The following TRAF3IP2 variants were observed in gnomAD, a reference collection of about 807,000 sequenced individuals.
The protein encoded by TRAF3IP2 is TRAF3 interacting protein 2.
Under a neutral mutation model 57.9 loss-of-function variants are expected in TRAF3IP2, and 35 were observed. That is an observed-to-expected ratio of 0.60 (90% CI 0.46 to 0.80). The LOEUF (loss-of-function observed/expected upper bound fraction) is 0.80. TRAF3IP2 is among the 30% of genes least tolerant of loss of function. TRAF3IP2 has a pLI of 0.00. For missense variants in TRAF3IP2, 556 were observed against 706.4 expected (o/e 0.79, Z 2.41); for synonymous variants, 251 against 268.9 (o/e 0.93, Z 0.65).
chr6:111,566,762 G>C (rs1227433522), intron 6 of TRAF3IP2, among the ~76,000 whole-genome samples: 3 of 152,276 alleles, frequency 2.0e-5, no homozygotes, highest in Admixed American at 6.5e-5. Context: ...AAATGGCTCA[G>C]AGAGGGGCTC....
At position 111,556,038 on chromosome 6, in the gene TRAF3IP2, G is replaced by C. The variant is rs995491572; in HGVS notation, c.*3367C>G. Among the ~76,000 whole-genome samples the C allele has an allele frequency of 2.0e-5, 3 of 151,980 alleles. No homozygotes were observed. Among genetic ancestry groups the C allele is most frequent in the African/African-American group, 4.8e-5 (2 of 41,346 alleles). On this transcript the variant is annotated 3_prime_UTR_variant, in exon 9 of 9. Coordinates refer to ENST00000368761, the MANE Select transcript of TRAF3IP2 (RefSeq NM_147686.4). ...GAATCGCTTGAACCCGGGAGGTGGA[G>C]GTTGCAGTGAGCTGTGATTGCACCA... is the stretch of plus-strand genomic sequence containing the variant.
chr6:111,572,756 T>C (rs1264000370), intron 5 of TRAF3IP2, 139 bp downstream of exon 5: 4 of 702,212 alleles, frequency 5.7e-6, no homozygotes, highest in Non-Finnish European at 9.6e-6. Context: ...CCTAAATCTA[T>C]AAGCATTCAA....
In TRAF3IP2 at chr6:111,594,641, G is replaced by A. The variant is rs544741470; in HGVS notation, c.-8-2547C>T. 186 of 351,176 alleles carry A rather than the reference G, an allele frequency of 5.3e-4. 3 individuals carry two copies. The highest frequency in any genetic ancestry group is 3.7e-3 in the South Asian group (170 of 46,094). 21.8% of individuals were successfully genotyped at this position (351,176 alleles called of 1,614,324 possible). A position where few individuals can be genotyped will look rare whatever the true frequency, so the allele number is the denominator to read the frequency against. On this transcript the variant is annotated intron_variant, in intron 1 of 8. Coordinates refer to ENST00000368761, the MANE Select transcript of TRAF3IP2 (RefSeq NM_147686.4). ...AGTTAAAACTGCTCTGGGGCTGGGC[G>A]TGGTGGCTCACACCTGTAACCCCAG...
intron 1 of TRAF3IP2, among the ~76,000 whole-genome samples, chr6:111,595,966 G>A (rs574836525): frequency 2.2e-4 from 34 of 152,126 alleles, no homozygotes; most frequent in African/African-American, 6.5e-4. Flanking sequence ...GAAAACCCAC[G>A]ACCGGCGTCC....
chr6:111,582,943 TCA>T (rs1796211857), intron 2 of TRAF3IP2, among the ~76,000 whole-genome samples: 2 of 152,214 alleles, frequency 1.3e-5, no homozygotes, highest in South Asian at 4.1e-4. Context: ...CCCTAGATTT[TCA>T]CAGACTGACT....
intron 2 of TRAF3IP2, among the ~76,000 whole-genome samples, chr6:111,590,915 C>G (rs1796490486): frequency 6.6e-6 from 1 of 152,098 alleles, no homozygotes; most frequent in African/African-American, 2.4e-5. Context: ...AACCCATATG[C>G]CCAAAGATTA....
intron 2 of TRAF3IP2, among the ~76,000 whole-genome samples, chr6:111,586,267 A>G (rs1358782273): frequency 6.6e-6 from 1 of 151,588 alleles, no homozygotes; most frequent in Admixed American, 6.6e-5. Flanking sequence ...GTACAATTGT[A>G]CACATGTACC....
intron 1 of TRAF3IP2, among the ~76,000 whole-genome samples, chr6:111,598,785 G>A (rs1334586736): frequency 2.6e-5 from 4 of 152,174 alleles, no homozygotes; most frequent in African/African-American, 4.8e-5. Context: ...AAAAGGAAAG[G>A]CTCCACTAGT....
chr6:111,598,570 G>T (rs1041384837), intron 1 of TRAF3IP2, among the ~76,000 whole-genome samples: 8 of 152,190 alleles, frequency 5.3e-5, no homozygotes, highest in African/African-American at 1.7e-4. Context: ...AAAAATTCAA[G>T]AGTAGCACAG....
Position 111,591,952 on chromosome 6 carries a change from G to C in TRAF3IP2, c.135C>G (p.Asn45Lys), listed in dbSNP as rs375324881. The change falls in exon 2 of 9, where the codon AAC becomes AAG. Residue 45 changes from asparagine (N) to lysine (K), a missense_variant. This residue lies in a region of TRAF3IP2 where 428 missense variants were observed against 498.7 expected (regional missense o/e 0.86). Transcript: ENST00000368761. The surrounding 1 kb of genome is among the most constrained non-coding windows in gnomAD (Gnocchi z 4.9). ...GAAGCATTGTGGGTGCAGACAAGCT[G>C]TTGGGTGCCATGTTCCTTATATTTG... ...PAPNIRNMAPNSLSAPTMLHN... is the reference protein window; with the variant it reads ...PAPNIRNMAPKSLSAPTMLHN... 6.2e-7 allele frequency: 1 copy of C among 1,614,110 alleles called. No individual in the cohort carries two copies. The highest frequency in any genetic ancestry group is 8.5e-7 in the Non-Finnish European group (1 of 1,180,050).
At position 111,575,666 on chromosome 6, in the gene TRAF3IP2, G is replaced by T; in HGVS notation, c.1178C>A (p.Thr393Lys). 1.2e-6 allele frequency: 2 copies of T among 1,611,850 alleles called. No homozygotes were observed. The highest frequency in any genetic ancestry group is 8.5e-7 in the Non-Finnish European group (1 of 1,179,232). ...SNPPARGTLK[T>K]SNLPEELRKV... is the part of the protein sequence containing the mutation. ...ACGCAATTCTTCTGGCAAATTGCTT[G>T]TTTTTAGAGTTCCTCTGGCTGGAGG... The change falls in exon 4 of 9, where the codon ACA (threonine) becomes AAA (lysine). Residue 393 changes from threonine to lysine, a missense_variant. Thr to Lys is a moderately conservative substitution (Grantham distance 78). Around this residue, in one of 2 missense-constraint regions of TRAF3IP2, gnomAD observed 428 missense variants for 498.7 expected, o/e 0.86. Coordinates refer to ENST00000368761, the MANE Select transcript of TRAF3IP2 (RefSeq NM_147686.4).
chr6:111,585,821 T>C (rs191440496), intron 2 of TRAF3IP2, among the ~76,000 whole-genome samples: 1 of 152,162 alleles, frequency 6.6e-6, no homozygotes, highest in Non-Finnish European at 1.5e-5. Flanking sequence ...AATGAAAATC[T>C]TGCACAATCA....
chr6:111,592,437 G>A (rs1188839520), intron 1 of TRAF3IP2, among the ~76,000 whole-genome samples: 1 of 152,170 alleles, frequency 6.6e-6, no homozygotes, highest in South Asian at 2.1e-4. Context: ...TGTGTGCTTG[G>A]AATACATGAA....
At chr6:111,589,357 C>T (rs1191501992) in intron 2 of TRAF3IP2, among the ~76,000 whole-genome samples, 3 of 152,268 alleles carry the variant, frequency 2.0e-5, no homozygotes, top group South Asian at 2.1e-4. Flanking sequence ...GGTGAGCCAC[C>T]GTGCCTGGTG....
chr6:111,562,705 C>T (rs1404607479), intron 8 of TRAF3IP2, among the ~76,000 whole-genome samples: 1 of 151,912 alleles, frequency 6.6e-6, no homozygotes, highest in Non-Finnish European at 1.5e-5. Context: ...ATTAGCCAGG[C>T]TTGGTGGCAG....
At chr6:111,597,233 A>G (rs1299812282) in intron 1 of TRAF3IP2, among the ~76,000 whole-genome samples, 1 of 152,110 alleles carries the variant, frequency 6.6e-6, no homozygotes. Context: ...GGTCTGGGCC[A>G]TGCCCAAAGG....
chr6:111,587,305 G>T (rs1233062302), intron 2 of TRAF3IP2, among the ~76,000 whole-genome samples: 6 of 151,852 alleles, frequency 4.0e-5, no homozygotes, highest in African/African-American at 1.5e-4. Flanking sequence ...GACCAGGCTG[G>T]AGTGCAGTGG....
chr6:111,602,646 T>A (rs1274238907), intron 1 of TRAF3IP2, among the ~76,000 whole-genome samples: 3 of 151,596 alleles, frequency 2.0e-5, no homozygotes, highest in Non-Finnish European at 4.4e-5. Context: ...TGAATATAGG[T>A]GAAAGGTAAG....
rs1795225051 is a variant in TRAF3IP2 at position 111,555,942 on chromosome 6, A to AT, written c.*3462_*3463insA. 6.6e-6 allele frequency among the ~76,000 whole-genome samples: 1 copy of AT among 151,962 alleles called. No homozygotes were observed. Among genetic ancestry groups the AT allele is most frequent in the Admixed American group, 6.6e-5 (1 of 15,256 alleles). On this transcript the variant is annotated 3_prime_UTR_variant, in exon 9 of 9. Transcript: ENST00000368761. ...CACGGTGAAACCCCGTCTCTACTAA[A>AT]AATACAAAAAATTAGCCGGGCATGG...
Sources: allele counts gnomAD v4.1 joint callset (sites outside exome capture counted in the v4.1 genomes callset), GRCh38; gene constraint gnomAD v4.1.1; regional missense constraint gnomAD v4.1.1; non-coding constraint Gnocchi (gnomAD v3.1); transcripts MANE v1.5; gene names NCBI Gene and HGNC (gene_info 2026-07-23, HGNC 2026-07-21).